Variants in CDH19 observed in about 807,000 individuals in gnomAD.
CDH19 encodes the protein cadherin-19.
In CDH19, 67 loss-of-function variants were observed where a neutral mutation model predicts 64.2. The observed-to-expected ratio is 1.04, with a 90% confidence interval of 0.86 to 1.28. The LOEUF (loss-of-function observed/expected upper bound fraction) is 1.28, where lower values mean the gene tolerates loss of function less well. Among genes scored for constraint, CDH19 ranks in the 50% most tolerant of loss-of-function variants. The pLI, the probability that CDH19 is intolerant of heterozygous loss-of-function variation, is 0.00. For missense variants in CDH19, 1,030 were observed against 929.0 expected, an observed-to-expected ratio of 1.11 and a Z score of -1.41; for synonymous variants, 346 against 319.3, an observed-to-expected ratio of 1.08 and a Z score of -0.89.
At chr18:66,547,529 C>A (rs1031201602) in intron 5 of CDH19, among the ~76,000 whole-genome samples, 2 of 151,748 alleles carry the variant, frequency 1.3e-5, no homozygotes, top group African/African-American at 4.8e-5. Flanking sequence ...GTGTTTATAT[C>A]GAATAAGCAA....
chr18:66,513,576 G>A (rs1041808225), intron 9 of CDH19, among the ~76,000 whole-genome samples: 2 of 151,472 alleles, frequency 1.3e-5, no homozygotes, highest in Non-Finnish European at 3.0e-5. Context: ...AATAAGTTTT[G>A]ATGGAGGATA....
At chr18:66,603,024 A>G (rs537448531) in intron 1 of CDH19, among the ~76,000 whole-genome samples, 46 of 151,260 alleles carry the variant, frequency 3.0e-4, no homozygotes, top group African/African-American at 1.1e-3. Context: ...AAATTTTCAA[A>G]TATTTTATCT....
intron 9 of CDH19, among the ~76,000 whole-genome samples, chr18:66,519,113 A>C (rs1985869514): frequency 6.6e-6 from 1 of 152,160 alleles, no homozygotes; most frequent in Admixed American, 6.5e-5. Flanking sequence ...TAAACATCTG[A>C]TGAACGACAT....
intron 9 of CDH19, among the ~76,000 whole-genome samples, chr18:66,515,714 G>A (rs1331754452): frequency 2.0e-5 from 3 of 151,486 alleles, no homozygotes; most frequent in Non-Finnish European, 3.0e-5. Context: ...ATCTCAATAC[G>A]TATTTTCTAA....
chr18:66,548,786 TA>T (rs1021035582), intron 5 of CDH19, among the ~76,000 whole-genome samples: 2 of 152,166 alleles, frequency 1.3e-5, no homozygotes, highest in African/African-American at 4.8e-5. Context: ...AAATCTTCTC[TA>T]AAGAGAAAGG....
intron 1 of CDH19, among the ~76,000 whole-genome samples, chr18:66,596,669 C>G (rs1482761785): frequency 6.6e-6 from 1 of 152,070 alleles, no homozygotes; most frequent in Non-Finnish European, 1.5e-5. Flanking sequence ...AATGAAAAAA[C>G]ATTCCATGCT....
intron 11 of CDH19, 138 bp downstream of exon 11, chr18:66,508,857 C>A: frequency 3.4e-6 from 3 of 895,028 alleles, no homozygotes; most frequent in South Asian, 3.9e-5. Flanking sequence ...ACACACAGAC[C>A]CACATTATAA....
intron 1 of CDH19, among the ~76,000 whole-genome samples, chr18:66,573,891 AGCC>A (rs1406395280): frequency 1.6e-5 from 2 of 127,304 alleles, no homozygotes; most frequent in Non-Finnish European, 3.4e-5. Context: ...TAACCACTGA[AGCC>A]ACACACACAC....
intron 9 of CDH19, among the ~76,000 whole-genome samples, chr18:66,519,271 C>A (rs1263479903): frequency 6.6e-6 from 1 of 152,128 alleles, no homozygotes; most frequent in African/African-American, 2.4e-5. Flanking sequence ...TATGACATGA[C>A]CCTTAATTGT....
chr18:66,518,095 C>A (rs1985816683), intron 9 of CDH19, among the ~76,000 whole-genome samples: 1 of 151,892 alleles, frequency 6.6e-6, no homozygotes. Flanking sequence ...ATTACCCTAT[C>A]AGTTTCAATA....
intron 1 of CDH19, among the ~76,000 whole-genome samples, chr18:66,587,210 C>A (rs755829433): frequency 6.6e-6 from 1 of 152,044 alleles, no homozygotes; most frequent in African/African-American, 2.4e-5. Flanking sequence ...AACTTAATGA[C>A]CAACTGGATG....
intron 7 of CDH19, among the ~76,000 whole-genome samples, chr18:66,541,510 G>T (rs1002846504): frequency 2.0e-5 from 3 of 152,008 alleles, no homozygotes; most frequent in Non-Finnish European, 1.5e-5. Flanking sequence ...CCAAAAAGAA[G>T]CCTCCTGAAA....
At chr18:66,515,844 A>G (rs763092367) in intron 9 of CDH19, among the ~76,000 whole-genome samples, 2 of 151,850 alleles carry the variant, frequency 1.3e-5, no homozygotes, top group African/African-American at 4.8e-5. Context: ...ATCCATTTAA[A>G]ATGTATTTCA....
intron 11 of CDH19, among the ~76,000 whole-genome samples, chr18:66,507,222 T>C (rs1052112446): frequency 5.9e-5 from 9 of 152,042 alleles, no homozygotes; most frequent in African/African-American, 1.9e-4. Context: ...AGCTTCATAA[T>C]CAAAGATCAT....
At chr18:66,572,825 T>A (rs1409146473) in intron 1 of CDH19, among the ~76,000 whole-genome samples, 1 of 151,710 alleles carries the variant, frequency 6.6e-6, no homozygotes, top group Non-Finnish European at 1.5e-5. Flanking sequence ...ACTGGTGAAT[T>A]CAATAATCAG....
In CDH19 at chr18:66,505,284, A is replaced by G; in HGVS notation, c.1847T>C (p.Leu616Ser). ...CTGTTTTCTCCGTTGTTTTAAACCC[A>G]AAGTCAAAAAAATAAACCCTGATGA... is the stretch of plus-strand genomic sequence containing the variant. Reference protein sequence around the residue: ...MIIFGFIFLTLGLKQRRKQIL... With the variant: ...MIIFGFIFLTSGLKQRRKQIL... The change falls in exon 12 of 12, where the codon TTG (leucine) becomes TCG (serine). Residue 616 changes from leucine to serine, a missense_variant. Transcript: ENST00000262150. 1.3e-6 allele frequency: 2 copies of G among 1,559,992 alleles called. No individual in the cohort carries two copies. The highest frequency in any genetic ancestry group is 1.7e-6 in the Non-Finnish European group (2 of 1,159,390).
At chr18:66,575,428 T>C (rs1988237838) in intron 1 of CDH19, among the ~76,000 whole-genome samples, 2 of 151,852 alleles carry the variant, frequency 1.3e-5, no homozygotes, top group African/African-American at 2.4e-5. Context: ...GAGAAGAGCA[T>C]GACCTAACAG....
intron 3 of CDH19, among the ~76,000 whole-genome samples, chr18:66,563,509 A>T (rs1987797678): frequency 6.6e-6 from 1 of 152,016 alleles, no homozygotes; most frequent in Non-Finnish European, 1.5e-5. Flanking sequence ...TATTATAGTG[A>T]TCCACACTCT....
chr18:66,552,366 A>G (rs182147963), intron 4 of CDH19, among the ~76,000 whole-genome samples: 26 of 152,164 alleles, frequency 1.7e-4, no homozygotes, highest in African/African-American at 4.8e-4. Context: ...GATTTATTGG[A>G]CTAAATTTAA....
Sources: allele counts gnomAD v4.1 joint callset (sites outside exome capture counted in the v4.1 genomes callset), GRCh38; gene constraint gnomAD v4.1.1; transcripts MANE v1.5; gene names NCBI Gene and HGNC (gene_info 2026-07-23, HGNC 2026-07-21).